GRIA3: variants seen among roughly 807,000 people sequenced by gnomAD.
GRIA3 encodes the protein glutamate receptor 3.
In GRIA3, 3 loss-of-function variants were observed where a neutral mutation model predicts 63.0. That is an observed-to-expected ratio of 0.05 (90% CI 0.02 to 0.12). The LOEUF (loss-of-function observed/expected upper bound fraction) is 0.12, where lower values mean the gene tolerates loss of function less well. Ranked by LOEUF, GRIA3 falls within the 10% of genes least tolerant of loss-of-function variation. The pLI, the probability that GRIA3 is intolerant of heterozygous loss-of-function variation, is 1.00. For synonymous variants in GRIA3, 274 were observed against 257.9 expected, an observed-to-expected ratio of 1.06 and a Z score of -0.60; for missense variants, 347 against 700.9, an observed-to-expected ratio of 0.50 and a Z score of 5.70.
At chrX:123,245,982 C>T (rs1370087743) in intron 2 of GRIA3, among the ~76,000 whole-genome samples, 1 of 111,136 alleles carries the variant, frequency 9.0e-6, no homozygotes, top group Non-Finnish European at 1.9e-5. Flanking sequence ...AATTTAAGGA[C>T]GAGCTCCCTA....
At chrX:123,452,625 T>C (rs1193034874) in intron 12 of GRIA3, among the ~76,000 whole-genome samples, 2 of 112,117 alleles carry the variant, frequency 1.8e-5, no homozygotes, top group African/African-American at 6.5e-5. Flanking sequence ...GATTCAAGAA[T>C]AACAATAGTA....
chrX:123,257,000 G>C (rs1172700204), intron 3 of GRIA3, among the ~76,000 whole-genome samples: 1 of 111,543 alleles, frequency 9.0e-6, no homozygotes, highest in African/African-American at 3.3e-5. Flanking sequence ...TTGAGAGATT[G>C]GGTAAGATGG....
intron 2 of GRIA3, among the ~76,000 whole-genome samples, chrX:123,238,458 G>A (rs748417839): frequency 1.8e-5 from 2 of 111,615 alleles, no homozygotes; most frequent in South Asian, 7.6e-4. Context: ...CTTGGGACAG[G>A]GCATGGAACT....
intron 1 of GRIA3, 22 bp from the exon 2 acceptor site, chrX:123,185,798 ACACAAGCCAAAT>A: frequency 8.4e-7 from 1 of 1,195,983 alleles, no homozygotes; most frequent in South Asian, 1.8e-5. Context: ...GTGTGGGGGA[ACACAAGCCAAAT>A]CTCCGTTCCC....
chrX:123,392,930 C>G (rs2045394295), intron 5 of GRIA3, among the ~76,000 whole-genome samples: 1 of 111,612 alleles, frequency 9.0e-6, no homozygotes, highest in Non-Finnish European at 1.9e-5. Context: ...GGCTTAAACC[C>G]CAATGGTAGC....
intron 3 of GRIA3, among the ~76,000 whole-genome samples, chrX:123,301,948 T>G (rs1044955334): frequency 2.7e-5 from 3 of 112,123 alleles, no homozygotes; most frequent in Admixed American, 9.5e-5. Context: ...TAAATTGTTT[T>G]CCCAGCAGTG....
chrX:123,215,169 A>G (rs146092970), intron 2 of GRIA3, among the ~76,000 whole-genome samples: 1 of 112,193 alleles, frequency 8.9e-6, no homozygotes, highest in Non-Finnish European at 1.9e-5. Flanking sequence ...GGGATCCAAG[A>G]ACAATGCACA....
At chrX:123,457,970 A>G (rs2147425200) in intron 12 of GRIA3, among the ~76,000 whole-genome samples, 1 of 111,611 alleles carries the variant, frequency 9.0e-6, no homozygotes, top group Non-Finnish European at 1.9e-5. Context: ...AGAAAAGGTG[A>G]GTTGAATGGA....
intron 4 of GRIA3, among the ~76,000 whole-genome samples, chrX:123,353,857 C>G (rs1288748706): frequency 9.0e-6 from 1 of 111,594 alleles, no homozygotes; most frequent in African/African-American, 3.3e-5. Context: ...ACTTTGTACA[C>G]AGTCAGTACT....
At chrX:123,302,149 G>A (rs2044727441) in intron 3 of GRIA3, among the ~76,000 whole-genome samples, 1 of 111,927 alleles carries the variant, frequency 8.9e-6, no homozygotes, top group Non-Finnish European at 1.9e-5. Context: ...TGAATAGCCT[G>A]GAATCGGATC....
chrX:123,394,918 G>C (rs1321311574), intron 5 of GRIA3, 50 bp from the exon 6 acceptor site: 1 of 927,902 alleles, frequency 1.1e-6, no homozygotes, highest in Admixed American at 2.2e-5. Flanking sequence ...GATATGGTGA[G>C]TAAGAACATA....
chrX:123,468,775 T>C (rs2045847895), intron 13 of GRIA3, among the ~76,000 whole-genome samples: 1 of 112,426 alleles, frequency 8.9e-6, no homozygotes, highest in Non-Finnish European at 1.9e-5. Flanking sequence ...CTTCATTGTG[T>C]CCCATCTCGT....
chrX:123,225,450 G>A (rs1307069854), intron 2 of GRIA3, among the ~76,000 whole-genome samples: 4 of 111,613 alleles, frequency 3.6e-5, no homozygotes, highest in Non-Finnish European at 7.5e-5. Context: ...CCTGTCAGAG[G>A]CATAAAAAAT....
intron 13 of GRIA3, among the ~76,000 whole-genome samples, chrX:123,466,649 C>A (rs759581454): frequency 1.8e-5 from 2 of 112,299 alleles, no homozygotes; most frequent in South Asian, 7.5e-4. Context: ...AGCCGCGATA[C>A]AAAGTCATGG....
intron 3 of GRIA3, among the ~76,000 whole-genome samples, chrX:123,266,195 C>T: frequency 8.9e-6 from 1 of 111,970 alleles, no homozygotes. Flanking sequence ...ATTCAAAACC[C>T]TTCTCTATGC....
At chrX:123,374,148 C>T (rs4329394) in intron 5 of GRIA3, among the ~76,000 whole-genome samples, 38,017 of 110,584 alleles carry the variant, frequency 0.34, 5,818 homozygotes, top group Middle Eastern at 0.59. Flanking sequence ...TCAGGTTTGT[C>T]AAAGATCAGA....
chrX:123,274,656 G>T (rs1478144970), intron 3 of GRIA3, among the ~76,000 whole-genome samples: 5 of 111,948 alleles, frequency 4.5e-5, no homozygotes, highest in African/African-American at 1.6e-4. Context: ...AGTGATCTGG[G>T]CCTCAGAAGG....
chrX:123,351,625 C>T (rs899554053), intron 4 of GRIA3, among the ~76,000 whole-genome samples: 12 of 111,749 alleles, frequency 1.1e-4, no homozygotes, highest in Non-Finnish European at 2.3e-4. Flanking sequence ...CCTTCTTTCT[C>T]CTTTAAGTCA....
chrX:123,348,266 T>C (rs1201624015), intron 4 of GRIA3, among the ~76,000 whole-genome samples: 1 of 111,869 alleles, frequency 8.9e-6, no homozygotes, highest in Non-Finnish European at 1.9e-5. Flanking sequence ...TGAATGTGAA[T>C]ATAGAAATAT....
Sources: allele counts gnomAD v4.1 joint callset (sites outside exome capture counted in the v4.1 genomes callset), GRCh38; gene constraint gnomAD v4.1.1; transcripts MANE v1.5; gene names NCBI Gene and HGNC (gene_info 2026-07-23, HGNC 2026-07-21).